CCDC12: variants seen among roughly 807,000 people sequenced by gnomAD.
CCDC12 encodes coiled-coil domain-containing protein 12.
Under a neutral mutation model 25.7 loss-of-function variants are expected in CCDC12, and 28 were observed. That is an observed-to-expected ratio of 1.09 (90% CI 0.81 to 1.50). The LOEUF (loss-of-function observed/expected upper bound fraction) is 1.50, where lower values mean the gene tolerates loss of function less well. Among genes scored for constraint, CCDC12 ranks in the 40% most tolerant of loss-of-function variants. The pLI is 0.00. For missense variants in CCDC12, 198 were observed against 210.0 expected, an observed-to-expected ratio of 0.94 and a Z score of 0.35; for synonymous variants, 75 against 87.7, an observed-to-expected ratio of 0.86 and a Z score of 0.81.
intron 1 of CCDC12, among the ~76,000 whole-genome samples, chr3:46,973,427 G>A (rs1156240210): frequency 2.0e-5 from 3 of 149,894 alleles, no homozygotes; most frequent in Admixed American, 6.6e-5. Flanking sequence ...CCCAGGAGGC[G>A]GAGGCTGCAG....
rs550623269 is a variant in CCDC12, at chr3:46,965,076, G to A, written c.96+11561C>T. Among the ~76,000 whole-genome samples the A allele has an allele frequency of 2.0e-5, 3 of 152,208 alleles. No homozygotes were observed. In the South Asian group the frequency reaches 6.2e-4, roughly 32 times the overall value. On this transcript the variant is annotated intron_variant, in intron 1 of 6. Transcript: ENST00000683445. ...GATTAAGGACTCCCAAGCACACCCA[G>A]AAGACAGCTACTTGGACACTGAGAG...
chr3:46,975,746 T>C (rs1302090475), intron 1 of CCDC12, among the ~76,000 whole-genome samples: 1 of 150,854 alleles, frequency 6.6e-6, no homozygotes, highest in East Asian at 2.0e-4. Flanking sequence ...TTAGCCAGGA[T>C]GGTCTCGATC....
intron 2 of CCDC12, among the ~76,000 whole-genome samples, chr3:46,928,608 C>A (rs1303848730): frequency 6.6e-6 from 1 of 152,112 alleles, no homozygotes; most frequent in Non-Finnish European, 1.5e-5. Context: ...ACTATGGAAA[C>A]CATAAGACCA....
chr3:46,951,283 G>A (rs997670757), intron 1 of CCDC12, among the ~76,000 whole-genome samples: 2 of 152,154 alleles, frequency 1.3e-5, no homozygotes, highest in African/African-American at 4.8e-5. Context: ...TAGGCAGGAG[G>A]AGTGTGTTTA....
Position 46,923,674 on chromosome 3 carries a change from G to A in CCDC12, c.245-6C>T. The stretch of plus-strand genomic sequence containing the variant: ...CTCCTTCACCTTCTCCTCCACTAGA[G>A]GGTGCAATTAAACAGAGAAGGCCTG... On this transcript the variant is annotated splice_polypyrimidine_tract_variant and splice_region_variant and intron_variant, in intron 3 of 6. Coordinates refer to ENST00000683445, the MANE Select transcript of CCDC12 (RefSeq NM_001277074.2). 1 of 1,536,626 alleles carries A rather than the reference G, an allele frequency of 6.5e-7. No homozygotes were observed. The highest frequency in any genetic ancestry group is 2.0e-5 in the Admixed American group (1 of 50,250).
At chr3:46,970,054 G>A (rs1165831514) in intron 1 of CCDC12, among the ~76,000 whole-genome samples, 9 of 151,884 alleles carry the variant, frequency 5.9e-5, no homozygotes, top group Non-Finnish European at 1.2e-4. Flanking sequence ...ATAAGTGCAC[G>A]ACACCATTCC....
At chr3:46,938,515 CCTG>C (rs1475727341) in intron 2 of CCDC12, among the ~76,000 whole-genome samples, 2 of 142,960 alleles carry the variant, frequency 1.4e-5, no homozygotes, top group African/African-American at 2.5e-5. Context: ...TTGTTCCCCT[CCTG>C]TTTTTTTTTT....
chr3:46,955,742 A>G (rs2034270267), intron 1 of CCDC12, among the ~76,000 whole-genome samples: 1 of 152,240 alleles, frequency 6.6e-6, no homozygotes, highest in Non-Finnish European at 1.5e-5. Context: ...AAGCCCAGAA[A>G]GCAAAGGGGC....
At chr3:46,971,753 G>C (rs1214187360) in intron 1 of CCDC12, among the ~76,000 whole-genome samples, 2 of 152,188 alleles carry the variant, frequency 1.3e-5, no homozygotes, top group African/African-American at 4.8e-5. Context: ...ACTCAATGAA[G>C]GACCTGCCAC....
chr3:46,948,766 C>T (rs535575138), intron 1 of CCDC12, among the ~76,000 whole-genome samples: 49 of 152,340 alleles, frequency 3.2e-4, no homozygotes, highest in Non-Finnish European at 6.6e-4. Flanking sequence ...TCGCCAGGCC[C>T]GTCACACGGC....
At chr3:46,950,438 C>T (rs533472654) in intron 1 of CCDC12, among the ~76,000 whole-genome samples, 50 of 151,700 alleles carry the variant, frequency 3.3e-4, no homozygotes, top group Admixed American at 3.3e-3. Flanking sequence ...CAGCCTCCTG[C>T]ATAGGAGTAG....
chr3:46,971,400 T>G (rs2034798047), intron 1 of CCDC12, among the ~76,000 whole-genome samples: 1 of 152,212 alleles, frequency 6.6e-6, no homozygotes, highest in African/African-American at 2.4e-5. Context: ...CCAGGAGACA[T>G]TACTTCCCCT....
rs1387386099 is a variant in CCDC12, at chr3:46,974,525, T to G, written c.96+2112A>C. Among the ~76,000 whole-genome samples, 5 of 152,094 alleles carry G rather than the reference T, an allele frequency of 3.3e-5. No homozygotes were observed. In the East Asian group the frequency reaches 7.7e-4, roughly 23 times the overall value. ...CAGCTCAGGTGAACTAGCCATTGTT[T>G]GAAAGGCTGAGGTTTGAGCTTCTCT... is the stretch of plus-strand genomic sequence containing the variant. On this transcript the variant is annotated intron_variant, in intron 1 of 6. Coordinates refer to ENST00000683445, the MANE Select transcript of CCDC12 (RefSeq NM_001277074.2).
intron 3 of CCDC12, chr3:46,924,287 T>A (rs1413856598): frequency 1.3e-5 from 2 of 152,302 alleles, no homozygotes; most frequent in Non-Finnish European, 2.9e-5. Context: ...CTGCTCTGCC[T>A]CACCTCCCTC....
intron 1 of CCDC12, 112 bp from the exon 2 acceptor site, chr3:46,941,177 C>T (rs944100769): frequency 5.1e-6 from 5 of 982,316 alleles, no homozygotes; most frequent in Admixed American, 1.7e-5. Context: ...CCTGGCAGGG[C>T]CCAGCTTGGT....
intron 1 of CCDC12, among the ~76,000 whole-genome samples, chr3:46,952,013 G>A (rs1362325975): frequency 6.6e-6 from 1 of 151,066 alleles, no homozygotes; most frequent in Non-Finnish European, 1.5e-5. Context: ...CAAAGGTCAT[G>A]ACCACTTTTA....
intron 1 of CCDC12, among the ~76,000 whole-genome samples, chr3:46,974,457 A>T (rs1026475983): frequency 2.0e-5 from 3 of 152,082 alleles, no homozygotes; most frequent in African/African-American, 7.2e-5. Flanking sequence ...TTGCATTCCG[A>T]CCTCAAACCC....
intron 1 of CCDC12, among the ~76,000 whole-genome samples, chr3:46,963,781 G>C (rs1319578779): frequency 6.6e-6 from 1 of 152,262 alleles, no homozygotes. Flanking sequence ...AGGCTGGAGT[G>C]CAGTGGCGTG....
At chr3:46,962,206 G>T (rs1449034436) in intron 1 of CCDC12, among the ~76,000 whole-genome samples, 2 of 152,054 alleles carry the variant, frequency 1.3e-5, no homozygotes, top group Non-Finnish European at 2.9e-5. Flanking sequence ...GGCTGAGGGG[G>T]GTGGATCATC....
Sources: allele counts gnomAD v4.1 joint callset (sites outside exome capture counted in the v4.1 genomes callset), GRCh38; gene constraint gnomAD v4.1.1; transcripts MANE v1.5; gene names NCBI Gene and HGNC (gene_info 2026-07-23, HGNC 2026-07-21).